Variants in NCOA3 observed in about 807,000 individuals in gnomAD.
The protein encoded by NCOA3 is CBP-interacting protein.
A neutral mutation model predicts 158.8 loss-of-function variants in NCOA3; 51 were observed. That is an observed-to-expected ratio of 0.32 (90% confidence interval 0.26 to 0.41). NCOA3 has a LOEUF of 0.41. NCOA3 is among the 10% of genes least tolerant of loss of function. The pLI is 1.00. For missense variants in NCOA3, 1,510 were observed against 1,746.6 expected (o/e 0.86, Z 2.41); for synonymous variants, 537 against 592.4 (o/e 0.91, Z 1.36).
intron 1 of NCOA3, among the ~76,000 whole-genome samples, chr20:47,526,041 A>G (rs1602347085): frequency 6.8e-6 from 1 of 148,032 alleles, no homozygotes; most frequent in African/African-American, 2.5e-5. Context: ...CTCACTTCTC[A>G]GACGGGGCGG....
chr20:47,534,566 T>A (rs79275721), intron 1 of NCOA3, among the ~76,000 whole-genome samples: 137 of 152,244 alleles, frequency 9.0e-4, no homozygotes, highest in Middle Eastern at 3.4e-3. Flanking sequence ...GAATAAGATA[T>A]GAAAAAACCT....
chr20:47,521,481 G>T (rs962732322), intron 1 of NCOA3, among the ~76,000 whole-genome samples: 8 of 152,110 alleles, frequency 5.3e-5, no homozygotes, highest in African/African-American at 1.9e-4. Flanking sequence ...CTCTGCTGCT[G>T]TGTCGTTCCC....
At chr20:47,652,266 T>TA (rs1194932588) in intron 20 of NCOA3, 140 bp from the exon 21 acceptor site, 4 of 603,954 alleles carry the variant, frequency 6.6e-6, no homozygotes, top group Non-Finnish European at 1.1e-5. Context: ...GGCAGCATCT[T>TA]ATAGCACTCT....
Position 47,613,217 on chromosome 20 carries a change from C to T in NCOA3, c.-19-9012C>T, listed in dbSNP as rs574159103. 2.1e-4 allele frequency among the ~76,000 whole-genome samples: 32 copies of T among 152,254 alleles called. No individual in the cohort carries two copies. In the South Asian group the frequency reaches 6.6e-3, roughly 32 times the overall value. On this transcript the variant is annotated intron_variant, in intron 2 of 22. Transcript: ENST00000371998. ...GAAATTACCAAGAACTGAAGTTGTA[C>T]TGTTTTCTTGTATACATCTCCACCA...
intron 1 of NCOA3, among the ~76,000 whole-genome samples, chr20:47,533,474 A>G (rs528870522): frequency 3.9e-5 from 6 of 152,246 alleles, no homozygotes; most frequent in African/African-American, 1.4e-4. Flanking sequence ...TAGATTTTGT[A>G]TGTATATCTT....
At chr20:47,535,642 G>A (rs924101054) in intron 1 of NCOA3, among the ~76,000 whole-genome samples, 1 of 151,888 alleles carries the variant, frequency 6.6e-6, no homozygotes, top group Admixed American at 6.6e-5. Flanking sequence ...CGAGTAGCTG[G>A]GATTACAGGC....
Position 47,501,891 on chromosome 20 carries a change from G to A in NCOA3, c.-227G>A, listed in dbSNP as rs1421430203. Reference sequence around the variant, plus strand: ...TGGCCCCCGTGCGGCGACTTTAGCTGCTGCTGTCTCAGCCGCTCCACAGCG... The same window carrying A: ...TGGCCCCCGTGCGGCGACTTTAGCTACTGCTGTCTCAGCCGCTCCACAGCG... On this transcript the variant is annotated 5_prime_UTR_variant, in exon 1 of 23. Coordinates refer to ENST00000371998, the MANE Select transcript of NCOA3 (RefSeq NM_181659.3). The A allele has an allele frequency of 7.5e-6, 3 of 399,112 alleles. No individual in the cohort carries two copies. Among genetic ancestry groups the A allele is most frequent in the Non-Finnish European group, 1.3e-5 (3 of 226,350 alleles). 24.7% of individuals were successfully genotyped at this position (399,112 alleles called of 1,614,324 possible).
chr20:47,570,935 T>TACACACACAC lies in NCOA3; in HGVS notation c.-98-12247_-98-12246insCACACACACA, dbSNP rs1355297954. ...CGTGCACCGTTAATGAGCAGTAATA[T>TACACACACAC]ATATACACACACACACACACACACA... On this transcript the variant is annotated intron_variant, in intron 1 of 22. Coordinates refer to ENST00000371998, the MANE Select transcript of NCOA3 (RefSeq NM_181659.3). Among the ~76,000 whole-genome samples, 191 of 56,940 alleles carry TACACACACAC rather than the reference T, an allele frequency of 3.4e-3. 2 individuals carry two copies. The highest frequency in any genetic ancestry group is 0.012 in the African/African-American group (182 of 15,746). 37.4% of individuals were successfully genotyped at this position (56,940 alleles called of 152,430 possible).
chr20:47,652,528 T>TATCA lies in NCOA3; in HGVS notation c.4070_4073dup (p.Ser1360ValfsTer33). 1 of 1,613,940 alleles carries TATCA rather than the reference T, an allele frequency of 6.2e-7. No individual in the cohort carries two copies. Among genetic ancestry groups the TATCA allele is most frequent in the Non-Finnish European group, 8.5e-7 (1 of 1,179,820 alleles). The stretch of plus-strand genomic sequence containing the variant: ...GCAACACCCGCAGGCTGCATCCATC[T>TATCA]ATCAGTCCTCAGAAATGAAGGGCTG... On this transcript the variant is annotated frameshift_variant, in exon 21 of 23. Transcript: ENST00000371998. LOFTEE classifies it high-confidence loss of function.
chr20:47,558,820 CTTTT>C (rs56997127), intron 1 of NCOA3, among the ~76,000 whole-genome samples: 2 of 114,508 alleles, frequency 1.7e-5, no homozygotes, highest in East Asian at 2.6e-4. Flanking sequence ...ACTTTTTTCA[CTTTT>C]TTTTTTTTTT....
intron 2 of NCOA3, among the ~76,000 whole-genome samples, chr20:47,593,498 C>T (rs886504102): frequency 2.6e-5 from 4 of 151,638 alleles, no homozygotes; most frequent in African/African-American, 7.3e-5. Context: ...CCCGCCACCA[C>T]GCCCGGCTAA....
chr20:47,593,334 ATTTTTTTTTTT>A (rs71183267), intron 2 of NCOA3, among the ~76,000 whole-genome samples: 6 of 63,724 alleles, frequency 9.4e-5, no homozygotes, highest in Non-Finnish European at 1.1e-4. Flanking sequence ...GAGTTGATGG[ATTTTTTTTTTT>A]TTTTTTTTTT....
intron 1 of NCOA3, among the ~76,000 whole-genome samples, chr20:47,560,192 G>A (rs2085074963): frequency 6.6e-6 from 1 of 152,136 alleles, no homozygotes; most frequent in South Asian, 2.1e-4. Flanking sequence ...CAATTCTCCT[G>A]CCTCAGCCAC....
rs1602303270 is a variant in NCOA3 at position 47,501,913 on chromosome 20, A to G, written c.-205A>G. On this transcript the variant is annotated 5_prime_UTR_variant, in exon 1 of 23. Coordinates refer to ENST00000371998, the MANE Select transcript of NCOA3 (RefSeq NM_181659.3). ...GCTGCTGCTGTCTCAGCCGCTCCAC[A>G]GCGACGGCAGCGGCTGCGGCTTAGT... 1 of 400,524 alleles carries G rather than the reference A, an allele frequency of 2.5e-6. No homozygotes were observed. Among genetic ancestry groups the G allele is most frequent in the Non-Finnish European group, 4.4e-6 (1 of 227,368 alleles). 24.8% of individuals were successfully genotyped at this position (400,524 alleles called of 1,614,324 possible). A position where few individuals can be genotyped will look rare whatever the true frequency, so the allele number is the denominator to read the frequency against.
At chr20:47,526,192 C>G (rs1024991947) in intron 1 of NCOA3, among the ~76,000 whole-genome samples, 1 of 151,446 alleles carries the variant, frequency 6.6e-6, no homozygotes, top group Non-Finnish European at 1.5e-5. Flanking sequence ...TCCTCACTTC[C>G]CAGATGTGAT....
At chr20:47,602,019 TTAATA>T (rs1343910917) in intron 2 of NCOA3, among the ~76,000 whole-genome samples, 1 of 152,228 alleles carries the variant, frequency 6.6e-6, no homozygotes, top group Non-Finnish European at 1.5e-5. Flanking sequence ...TTGCTTATCA[TTAATA>T]TAAGAAACTA....
In NCOA3 at chr20:47,623,897, G is replaced by A. The variant is rs149018263; in HGVS notation, c.84-14G>A. 954 of 1,602,236 alleles carry A rather than the reference G, an allele frequency of 6.0e-4. 8 individuals carry two copies. In the African/African-American group the frequency reaches 8.0e-3, roughly 13 times the overall value. On this transcript the variant is annotated splice_polypyrimidine_tract_variant and intron_variant, in intron 3 of 22. Transcript: ENST00000371998. ...TATGTCTCCTTTCCCCCCTTTCTAC[G>A]CCTTTTCCCTTAGTCTTACCTGCAG...
At chr20:47,554,133 AT>A (rs1446324883) in intron 1 of NCOA3, among the ~76,000 whole-genome samples, 1 of 152,066 alleles carries the variant, frequency 6.6e-6, no homozygotes, top group Non-Finnish European at 1.5e-5. Flanking sequence ...TTTGATTTGC[AT>A]TTCTCTGATG....
At chr20:47,516,266 TG>T (rs1441162416) in intron 1 of NCOA3, among the ~76,000 whole-genome samples, 2 of 152,106 alleles carry the variant, frequency 1.3e-5, no homozygotes, top group African/African-American at 2.4e-5. Flanking sequence ...AGGCTACACA[TG>T]GGTTTGGGCA....
Sources: gnomAD v4.1 joint callset for allele counts (sites outside exome capture counted in the v4.1 genomes callset) on GRCh38, gnomAD v4.1.1 for gene constraint, MANE v1.5 for transcripts, NCBI Gene and HGNC (gene_info 2026-07-23, HGNC 2026-07-21) for gene names.